Variants in ADAMTS3 observed in about 807,000 individuals in gnomAD.
ADAMTS3 encodes the protein ADAM metallopeptidase with thrombospondin type 1 motif 3.
ADAMTS3 carries 73 observed loss-of-function variants against 129.0 expected under a neutral mutation model. The observed-to-expected ratio is 0.57, with a 90% CI of 0.47 to 0.69. The LOEUF (loss-of-function observed/expected upper bound fraction) is 0.69. ADAMTS3 is among the 30% of genes least tolerant of loss of function. The pLI is 0.00. For synonymous variants in ADAMTS3, 477 were observed against 510.8 expected (o/e 0.93, Z 0.89); for missense variants, 1,457 against 1,514.5 (o/e 0.96, Z 0.63).
At chr4:72,437,509 A>G (rs963928983) in intron 3 of ADAMTS3, among the ~76,000 whole-genome samples, 3 of 151,720 alleles carry the variant, frequency 2.0e-5, no homozygotes, top group Admixed American at 1.3e-4. Flanking sequence ...GGAATTGTAT[A>G]GCATGATCAT....
At chr4:72,417,071 T>C (rs1419789976) in intron 3 of ADAMTS3, among the ~76,000 whole-genome samples, 3 of 152,214 alleles carry the variant, frequency 2.0e-5, no homozygotes, top group Non-Finnish European at 4.4e-5. Flanking sequence ...TTCATCTTTA[T>C]TACAGTCTTT....
intron 3 of ADAMTS3, among the ~76,000 whole-genome samples, chr4:72,528,038 C>A (rs1043240058): frequency 5.9e-5 from 9 of 152,132 alleles, no homozygotes; most frequent in African/African-American, 2.2e-4. Context: ...CACTTTATTT[C>A]AGAGGAGAAA....
chr4:72,456,519 T>C (rs1211900364), intron 3 of ADAMTS3, among the ~76,000 whole-genome samples: 3 of 150,312 alleles, frequency 2.0e-5, no homozygotes, highest in East Asian at 2.0e-4. Flanking sequence ...GATGATAGTA[T>C]AACCTTCACC....
chr4:72,506,981 A>T (rs1449537055), intron 3 of ADAMTS3, among the ~76,000 whole-genome samples: 1 of 152,094 alleles, frequency 6.6e-6, no homozygotes, highest in Non-Finnish European at 1.5e-5. Flanking sequence ...CTTCTTCTAA[A>T]TTTTTTCTTT....
chr4:72,318,364 G>C (rs890711166), intron 10 of ADAMTS3, among the ~76,000 whole-genome samples: 2 of 152,108 alleles, frequency 1.3e-5, no homozygotes, highest in Non-Finnish European at 2.9e-5. Flanking sequence ...TAAAATAAAA[G>C]TACATCAGCT....
At chr4:72,295,599 G>A in intron 19 of ADAMTS3, 55 bp downstream of exon 19, 2 of 1,554,168 alleles carry the variant, frequency 1.3e-6, no homozygotes, top group South Asian at 1.2e-5. Flanking sequence ...AAGAGCTAAA[G>A]GCAGTGAAGT....
rs1474906432 is a variant in ADAMTS3, at chr4:72,300,528, G to C, written c.2425-2086C>G. Among the ~76,000 whole-genome samples the C allele has an allele frequency of 1.3e-5, 2 of 152,042 alleles. 1 individual carries two copies. The highest frequency in any genetic ancestry group is 4.2e-4 in the South Asian group (2 of 4,818). On this transcript the variant is annotated intron_variant, in intron 17 of 21. Transcript: ENST00000286657. ...TTTGATTAACATATATTTTATTATGGAACAGGATGAGAGTCTAGAATAGAC... is the reference window on the plus strand; with the variant it reads ...TTTGATTAACATATATTTTATTATGCAACAGGATGAGAGTCTAGAATAGAC...
intron 8 of ADAMTS3, 22 bp downstream of exon 8, chr4:72,319,835 TA>T: frequency 6.4e-7 from 1 of 1,573,552 alleles, no homozygotes; most frequent in Non-Finnish European, 8.7e-7. Flanking sequence ...TTTTTGGCTT[TA>T]TAGCTGTCAG....
intron 3 of ADAMTS3, among the ~76,000 whole-genome samples, chr4:72,504,395 C>T (rs1008894678): frequency 4.6e-5 from 7 of 152,112 alleles, no homozygotes; most frequent in Non-Finnish European, 7.3e-5. Context: ...CGAAAATAGG[C>T]CCTGATCTCT....
chr4:72,378,353 A>C (rs1431564725), intron 4 of ADAMTS3, among the ~76,000 whole-genome samples: 1 of 152,162 alleles, frequency 6.6e-6, no homozygotes, highest in Non-Finnish European at 1.5e-5. Flanking sequence ...AGAATGGAGA[A>C]TTTGTGGGTT....
intron 3 of ADAMTS3, among the ~76,000 whole-genome samples, chr4:72,488,611 A>G (rs1320009968): frequency 6.6e-6 from 1 of 151,932 alleles, no homozygotes; most frequent in Non-Finnish European, 1.5e-5. Context: ...AGGCAGGGTA[A>G]TCTTTTTCAA....
intron 4 of ADAMTS3, among the ~76,000 whole-genome samples, chr4:72,375,358 C>T (rs142542266): frequency 2.0e-5 from 3 of 152,174 alleles, no homozygotes; most frequent in Non-Finnish European, 2.9e-5. Context: ...GTGCCTACTA[C>T]GTGCCCAGCA....
At chr4:72,352,757 A>G (rs560177656) in intron 4 of ADAMTS3, among the ~76,000 whole-genome samples, 1 of 152,050 alleles carries the variant, frequency 6.6e-6, no homozygotes, top group Non-Finnish European at 1.5e-5. Flanking sequence ...CACAGATATT[A>G]GACATGGAGA....
At chr4:72,477,646 G>A (rs1719279627) in intron 3 of ADAMTS3, among the ~76,000 whole-genome samples, 1 of 151,964 alleles carries the variant, frequency 6.6e-6, no homozygotes, top group South Asian at 2.1e-4. Flanking sequence ...AAAAGCAAGA[G>A]CAAACACATT....
intron 3 of ADAMTS3, among the ~76,000 whole-genome samples, chr4:72,446,472 G>A (rs115122666): frequency 1.1e-3 from 172 of 151,598 alleles, no homozygotes; most frequent in Non-Finnish European, 1.7e-3. Flanking sequence ...ACAAATTCAG[G>A]CTTCTTCCAG....
At chr4:72,349,405 C>T (rs1374892422) in intron 4 of ADAMTS3, among the ~76,000 whole-genome samples, 1 of 151,962 alleles carries the variant, frequency 6.6e-6, no homozygotes, top group East Asian at 1.9e-4. Context: ...AAATGTGCTA[C>T]ACTAAGAGAA....
chr4:72,298,569 A>G (rs1423003759), intron 17 of ADAMTS3, 127 bp from the exon 18 acceptor site: 10 of 692,432 alleles, frequency 1.4e-5, no homozygotes, highest in Non-Finnish European at 2.0e-5. Context: ...CAAAAATTAT[A>G]ATGTTTTTAT....
At position 72,455,952 on chromosome 4, in the gene ADAMTS3, ATATATAC is replaced by A. The variant is rs1560522205; in HGVS notation, c.505-40988_505-40982del. On this transcript the variant is annotated intron_variant, in intron 3 of 21. Transcript: ENST00000286657. ...ATTTTATATATAGTATATATACAGT[ATATATAC>A]TATATATATTTTACATATAGTATAT... Among the ~76,000 whole-genome samples the A allele has an allele frequency of 7.7e-4, 38 of 49,446 alleles. 8 individuals are homozygous for A. Among genetic ancestry groups the A allele is most frequent in the African/African-American group, 2.8e-3 (38 of 13,736 alleles). The allele number at this position is 49,446 out of a possible 152,430, so 32.4% of individuals were successfully genotyped here.
chr4:72,428,919 T>A (rs552734226), intron 3 of ADAMTS3, among the ~76,000 whole-genome samples: 2 of 152,136 alleles, frequency 1.3e-5, no homozygotes, highest in Admixed American at 1.3e-4. Flanking sequence ...TAAAAGATGA[T>A]TGTAAGACTC....
Sources: allele counts gnomAD v4.1 joint callset (sites outside exome capture counted in the v4.1 genomes callset), GRCh38; gene constraint gnomAD v4.1.1; transcripts MANE v1.5; gene names NCBI Gene and HGNC (gene_info 2026-07-23, HGNC 2026-07-21).